Variants in HSDL2 observed in about 807,000 individuals in gnomAD.
HSDL2 encodes the protein hydroxysteroid dehydrogenase like 2.
A neutral mutation model predicts 46.3 loss-of-function variants in HSDL2; 27 were observed. The observed-to-expected ratio is 0.58, with a 90% CI of 0.43 to 0.80. The LOEUF (loss-of-function observed/expected upper bound fraction) is 0.80, where lower values mean the gene tolerates loss of function less well. Among genes scored for constraint, HSDL2 ranks in the 30% least tolerant of loss-of-function variants. HSDL2 has a pLI of 0.00. For synonymous variants in HSDL2, 153 were observed against 163.6 expected, an observed-to-expected ratio of 0.94 and a Z score of 0.50; for missense variants, 451 against 502.7, an observed-to-expected ratio of 0.90 and a Z score of 0.98.
intron 1 of HSDL2, among the ~76,000 whole-genome samples, chr9:112,390,465 T>C (rs543892498): frequency 3.3e-4 from 50 of 152,282 alleles, no homozygotes; most frequent in African/African-American, 1.2e-3. Context: ...TATTAATTTA[T>C]CTATTTAGAG....
chr9:112,468,801 CTCTTA>C (rs1222581280), intron 10 of HSDL2, among the ~76,000 whole-genome samples: 2 of 152,166 alleles, frequency 1.3e-5, no homozygotes, highest in African/African-American at 4.8e-5. Flanking sequence ...CTCCAAGTTG[CTCTTA>C]TCTGTGTTTT....
In HSDL2 at chr9:112,459,461, G is replaced by T. The variant is rs201277226; in HGVS notation, c.1028G>T (p.Gly343Val). The T allele has an allele frequency of 6.8e-6, 11 of 1,613,870 alleles. No homozygotes were observed. In the Admixed American group the frequency reaches 1.8e-4, roughly 27 times the overall value. The change falls in exon 10 of 11, where the codon GGC becomes GTC. Residue 343 changes from glycine (G) to valine (V), a missense_variant. Coordinates refer to ENST00000398805, the MANE Select transcript of HSDL2 (RefSeq NM_032303.5). ...TTTATCTCTCTAGGTGAAGATGGTG[G>T]CACGTGGTTTCTTGATCTGAAAAGC... ...YLFELSGEDG[G>V]TWFLDLKSKG... is the part of the protein sequence containing the mutation.
intron 2 of HSDL2, 68 bp from the exon 3 acceptor site, chr9:112,405,556 G>C (rs1267288269): frequency 1.8e-6 from 2 of 1,099,020 alleles, no homozygotes; most frequent in East Asian, 2.4e-5. Flanking sequence ...TTTTGACTGT[G>C]ATATTGGAAT....
At chr9:112,457,088 C>T (rs557594827) in intron 9 of HSDL2, among the ~76,000 whole-genome samples, 11 of 152,014 alleles carry the variant, frequency 7.2e-5, no homozygotes, top group South Asian at 4.2e-4. Flanking sequence ...GCGGAGGTTG[C>T]GGTGAGCCCA....
intron 2 of HSDL2, among the ~76,000 whole-genome samples, chr9:112,404,761 A>AG (rs1191252212): frequency 6.6e-6 from 1 of 152,206 alleles, no homozygotes; most frequent in African/African-American, 2.4e-5. Context: ...CTAGGCACAG[A>AG]GCCAGGAGAG....
chr9:112,398,712 G>A (rs1023005259), intron 1 of HSDL2, among the ~76,000 whole-genome samples: 2 of 152,106 alleles, frequency 1.3e-5, no homozygotes, highest in Non-Finnish European at 2.9e-5. Context: ...ACCCCAAACA[G>A]TGACGGGAGC....
chr9:112,385,696 T>G (rs1285770100), intron 1 of HSDL2, among the ~76,000 whole-genome samples: 2 of 151,452 alleles, frequency 1.3e-5, no homozygotes, highest in Non-Finnish European at 2.9e-5. Context: ...AGTTTCACCA[T>G]GTTGGTCAGG....
intron 8 of HSDL2, among the ~76,000 whole-genome samples, chr9:112,451,511 C>T (rs1001057843): frequency 6.6e-6 from 1 of 152,172 alleles, no homozygotes; most frequent in Non-Finnish European, 1.5e-5. Flanking sequence ...TTGTTTAATT[C>T]AGTGTCTATT....
At chr9:112,400,467 C>T (rs1203888094) in intron 1 of HSDL2, among the ~76,000 whole-genome samples, 1 of 152,114 alleles carries the variant, frequency 6.6e-6, no homozygotes, top group Non-Finnish European at 1.5e-5. Context: ...ATTGGCTGGG[C>T]GTGGTGGCGC....
At chr9:112,425,161 G>A (rs6477930) in intron 6 of HSDL2, among the ~76,000 whole-genome samples, 69,111 of 151,698 alleles carry the variant, frequency 0.46, 16,023 homozygotes, top group South Asian at 0.52. Flanking sequence ...TTTAACTTTA[G>A]TTCTTGCATC....
At chr9:112,423,584 C>T (rs1048809249) in intron 6 of HSDL2, among the ~76,000 whole-genome samples, 1 of 151,992 alleles carries the variant, frequency 6.6e-6, no homozygotes, top group African/African-American at 2.4e-5. Flanking sequence ...GCTGGGATTA[C>T]AGGTGTGAGC....
Position 112,438,578 on chromosome 9 carries a change from TAAAAG to T in HSDL2, c.749_753del (p.Lys250ArgfsTer7), listed in dbSNP as rs1278977511. On this transcript the variant is annotated frameshift_variant, in exon 7 of 11. Coordinates refer to ENST00000398805, the MANE Select transcript of HSDL2 (RefSeq NM_032303.5). LOFTEE classifies it high-confidence loss of function. Reference sequence around the variant, plus strand: ...AACTTTGTCATTGATGAAAATATCTTAAAAGAAGAAGGAATAGAAAATTTTGACGT... The same window carrying T: ...AACTTTGTCATTGATGAAAATATCTTAAGAAGGAATAGAAAATTTTGACGT... The T allele has an allele frequency of 6.2e-6, 10 of 1,609,246 alleles. No homozygotes were observed. Among genetic ancestry groups the T allele is most frequent in the Non-Finnish European group, 7.6e-6 (9 of 1,177,634 alleles).
intron 3 of HSDL2, among the ~76,000 whole-genome samples, chr9:112,407,316 C>G (rs1831753478): frequency 6.6e-6 from 1 of 152,176 alleles, no homozygotes; most frequent in South Asian, 2.1e-4. Flanking sequence ...ACTAGTGCCA[C>G]TTAGGATTTG....
chr9:112,389,919 G>C (rs986169179), intron 1 of HSDL2, among the ~76,000 whole-genome samples: 1 of 151,948 alleles, frequency 6.6e-6, no homozygotes, highest in African/African-American at 2.4e-5. Context: ...ACAAAAAATA[G>C]CCAGTCATGG....
chr9:112,462,426 G>A (rs1368131826), intron 10 of HSDL2, among the ~76,000 whole-genome samples: 1 of 147,446 alleles, frequency 6.8e-6, no homozygotes, highest in Non-Finnish European at 1.5e-5. Flanking sequence ...TCGAGCCACC[G>A]CACTCCAGCC....
At chr9:112,416,303 C>T (rs1204504959) in intron 4 of HSDL2, among the ~76,000 whole-genome samples, 1 of 151,648 alleles carries the variant, frequency 6.6e-6, no homozygotes, top group Non-Finnish European at 1.5e-5. Flanking sequence ...CTGGCACATG[C>T]CTGTAGTCCC....
chr9:112,449,452 AT>A (rs1486556365), intron 8 of HSDL2, among the ~76,000 whole-genome samples: 3 of 151,712 alleles, frequency 2.0e-5, no homozygotes, highest in South Asian at 2.1e-4. Context: ...GTGTTATCTT[AT>A]TTTTTCTCAA....
Position 112,380,190 on chromosome 9 carries a change from T to A in HSDL2, c.17+10T>A. ...TGTTACCCAACACCGGGTAAGGGGGTAGGGGCGGCGCGGGGAGAGACCCTG... is the reference window on the plus strand; with the variant it reads ...TGTTACCCAACACCGGGTAAGGGGGAAGGGGCGGCGCGGGGAGAGACCCTG... On this transcript the variant is annotated intron_variant, in intron 1 of 10. Coordinates refer to ENST00000398805, the MANE Select transcript of HSDL2 (RefSeq NM_032303.5). 6.4e-7 allele frequency: 1 copy of A among 1,560,974 alleles called. No homozygotes were observed. Among genetic ancestry groups the A allele is most frequent in the South Asian group, 1.2e-5 (1 of 85,958 alleles).
chr9:112,452,706 A>G lies in HSDL2; in HGVS notation c.866-1307A>G, dbSNP rs536296680. ...GGTTGCAGTGAGCCGAGATCAAGCC[A>G]CTGCACTCCAGCCTGGGTGACAAAG... On this transcript the variant is annotated intron_variant, in intron 8 of 10. Transcript: ENST00000398805. 7.2e-5 allele frequency among the ~76,000 whole-genome samples: 11 copies of G among 152,290 alleles called. 1 individual carries two copies. In the South Asian group the frequency reaches 2.3e-3, roughly 32 times the overall value.
Sources: allele counts gnomAD v4.1 joint callset (sites outside exome capture counted in the v4.1 genomes callset), GRCh38; gene constraint gnomAD v4.1.1; transcripts MANE v1.5; gene names NCBI Gene and HGNC (gene_info 2026-07-23, HGNC 2026-07-21).